SERPINB8: variants seen among roughly 807,000 people sequenced by gnomAD.
SERPINB8 encodes serpin B8.
Under a neutral mutation model 35.3 loss-of-function variants are expected in SERPINB8, and 25 were observed. The ratio of observed to expected loss-of-function variants is 0.71; its 90% CI spans 0.52 to 0.99. The LOEUF (loss-of-function observed/expected upper bound fraction) is 0.99. Among genes scored for constraint, SERPINB8 ranks in the 50% least tolerant of loss-of-function variants. The probability of loss-of-function intolerance (pLI) is 0.00; values close to 1 mark genes in which losing one functional copy is unlikely to be tolerated. For missense variants in SERPINB8, 484 were observed against 446.5 expected, an observed-to-expected ratio of 1.08 and a Z score of -0.76; for synonymous variants, 186 against 160.8, an observed-to-expected ratio of 1.16 and a Z score of -1.19.
Position 63,983,534 on chromosome 18 carries a change from G to A in SERPINB8, c.425-45G>A, listed in dbSNP as rs529648112. On this transcript the variant is annotated intron_variant, in intron 4 of 6. Coordinates refer to ENST00000397985, the MANE Select transcript of SERPINB8 (RefSeq NM_002640.4). ...GTCAAAGGGATTTTTGTAAAAGAAT[G>A]CTTATTTCCCCACAAATTGCAATAA... 79 of 1,592,038 alleles carry A rather than the reference G, an allele frequency of 5.0e-5. No individual in the cohort carries two copies. The South Asian group carries it at 8.5e-4, about 17-fold the overall frequency.
chr18:64,005,154 TACC>T (rs1205982625), exon 2 of SERPINB8: 11 of 280,878 alleles, frequency 3.9e-5, no homozygotes, highest in African/African-American at 2.4e-4. Context: ...CACAGTGAAA[TACC>T]ACCACAACTC....
At chr18:64,017,513 G>A (rs1294803895) in intron 7 of SERPINB8, among the ~76,000 whole-genome samples, 3 of 152,080 alleles carry the variant, frequency 2.0e-5, no homozygotes, top group African/African-American at 7.2e-5. Context: ...TTTTCAGTAT[G>A]TTCTACAATG....
downstream of SERPINB8, among the ~76,000 whole-genome samples, chr18:63,989,868 G>C (rs1288486336): frequency 1.4e-5 from 2 of 143,204 alleles, no homozygotes; most frequent in African/African-American, 5.2e-5. Context: ...GCGTGAACCC[G>C]GGAGGCGGAG....
Position 63,985,242 on chromosome 18 carries a change from C to G in SERPINB8, c.717C>G (p.Ala239=). Residue 239 remains alanine (A), a synonymous_variant, in exon 6 of 7, where the codon GCC becomes GCG. Coordinates refer to ENST00000397985, the MANE Select transcript of SERPINB8 (RefSeq NM_002640.4). ...ILLPDDNTDL[A]VVEKALTYEK... The stretch of plus-strand genomic sequence containing the variant: ...TTCCCGATGACAACACGGACCTCGC[C>G]GTGGTAAGCTCCAGGCAATGAGCCT... 1 of 1,614,008 alleles carries G rather than the reference C, an allele frequency of 6.2e-7. No individual in the cohort carries two copies. Among genetic ancestry groups the G allele is most frequent in the Non-Finnish European group, 8.5e-7 (1 of 1,179,972 alleles).
At chr18:63,999,899 GT>G (rs1279160795) in intron 1 of SERPINB8, among the ~76,000 whole-genome samples, 2 of 152,106 alleles carry the variant, frequency 1.3e-5, no homozygotes, top group Non-Finnish European at 2.9e-5. Context: ...GCTCTGGGTG[GT>G]TTTTCCCACT....
Position 63,988,200 on chromosome 18 carries a change from T to G in SERPINB8, c.*922T>G, listed in dbSNP as rs2050791066. ...TAGTGATATACATCCTTCCCTATTA[T>G]GTGTATGCAAATAGAAATTTATAAG... On this transcript the variant is annotated 3_prime_UTR_variant, in exon 7 of 7. Coordinates refer to ENST00000397985, the MANE Select transcript of SERPINB8 (RefSeq NM_002640.4). The G allele has an allele frequency of 1.3e-5, 2 of 152,212 alleles. No individual in the cohort carries two copies. The highest frequency in any genetic ancestry group is 2.9e-5 in the Non-Finnish European group (2 of 68,022). 9.4% of individuals were successfully genotyped at this position (152,212 alleles called of 1,614,324 possible).
intron 1 of SERPINB8, among the ~76,000 whole-genome samples, chr18:64,003,519 A>ATGTG (rs61161137): frequency 0.015 from 2,165 of 148,140 alleles, 37 homozygotes; most frequent in African/African-American, 0.048. Context: ...TGAGGGACAA[A>ATGTG]TGTGTGTGTG....
At chr18:63,982,404 G>T (rs2050686658) in intron 4 of SERPINB8, among the ~76,000 whole-genome samples, 1 of 152,094 alleles carries the variant, frequency 6.6e-6, no homozygotes, top group African/African-American at 2.4e-5. Flanking sequence ...AAATATTTCT[G>T]CCAGTTCTTT....
At position 64,014,170 on chromosome 18, in the gene SERPINB8, G is replaced by A. The variant is rs150854421; in HGVS notation, c.*3-4740G>A. Among the ~76,000 whole-genome samples the A allele has an allele frequency of 7.6e-3, 1,162 of 152,312 alleles. 18 individuals are homozygous for A. Among genetic ancestry groups the A allele is most frequent in the African/African-American group, 0.027 (1,119 of 41,562 alleles). ...AGGGATATTAATTGAAAGTAGTGGA[G>A]TAGTGTATGCAGAAAAGGAAATTGT... On this transcript the variant is annotated intron_variant, in intron 7 of 7. Coordinates refer to the SERPINB8 transcript ENST00000636430.
chr18:63,972,318 T>C (rs987175707), intron 1 of SERPINB8, among the ~76,000 whole-genome samples: 5 of 152,242 alleles, frequency 3.3e-5, no homozygotes, highest in African/African-American at 1.2e-4. Context: ...GGAATAATAC[T>C]GTATTACTCT....
At chr18:63,989,969 A>C (rs1331680673), downstream of SERPINB8, among the ~76,000 whole-genome samples, 12 of 144,058 alleles carry the variant, frequency 8.3e-5, no homozygotes, top group African/African-American at 2.3e-4. Flanking sequence ...AAAAAAAAAA[A>C]CCAAAATGTG....
At position 64,004,820 on chromosome 18, in the gene SERPINB8, A is replaced by T. The variant is rs530960095; in HGVS notation, c.74A>T (p.Asp25Val). Reference sequence around the variant, plus strand: ...CTCTCATCTTGTGCCTCCTAACAGGATACACTGAGAAGCACAAGCTTCTTC... The same window carrying T: ...CTCTCATCTTGTGCCTCCTAACAGGTTACACTGAGAAGCACAAGCTTCTTC... The change falls in exon 2 of 2, where the codon GAT becomes GTT. Residue 25 changes from aspartate (D) to valine (V), a missense_variant and splice_region_variant. By Grantham distance (152) the Asp-to-Val change is radical. Transcript: ENST00000493661. 10 of 398,528 alleles carry T rather than the reference A, an allele frequency of 2.5e-5. 1 individual carries two copies. In the South Asian group the frequency reaches 1.1e-3, roughly 46 times the overall value. 24.7% of individuals were successfully genotyped at this position (398,528 alleles called of 1,614,324 possible).
At chr18:64,000,936 A>G (rs1034017080) in intron 1 of SERPINB8, among the ~76,000 whole-genome samples, 2 of 152,140 alleles carry the variant, frequency 1.3e-5, no homozygotes, top group African/African-American at 4.8e-5. Flanking sequence ...TGTATTTCGA[A>G]TCTCTCTTAC....
At chr18:63,975,784 T>A (rs1435694798) in intron 1 of SERPINB8, among the ~76,000 whole-genome samples, 2 of 152,130 alleles carry the variant, frequency 1.3e-5, no homozygotes, top group Non-Finnish European at 2.9e-5. Context: ...AAGCGAAATA[T>A]CTTAGGAGGA....
At chr18:64,019,445 CT>C (rs1167211074) in exon 8 of SERPINB8, 2 of 152,246 alleles carry the variant, frequency 1.3e-5, no homozygotes, top group African/African-American at 4.8e-5. Context: ...GCTCCCACTT[CT>C]CCTCGACTCC....
intron 1 of SERPINB8, among the ~76,000 whole-genome samples, chr18:63,973,096 C>G (rs990538491): frequency 3.3e-5 from 5 of 152,204 alleles, no homozygotes; most frequent in African/African-American, 1.2e-4. Flanking sequence ...AACTAGTTTA[C>G]AGTCCTACCA....
intron 1 of SERPINB8, among the ~76,000 whole-genome samples, chr18:63,975,651 T>C (rs559165006): frequency 1.3e-4 from 20 of 152,318 alleles, no homozygotes; most frequent in Middle Eastern, 3.4e-3. Flanking sequence ...CTTTAAAGAA[T>C]TTGCACTGCT....
chr18:64,014,942 T>G (rs1227951897), intron 7 of SERPINB8, among the ~76,000 whole-genome samples: 1 of 152,152 alleles, frequency 6.6e-6, no homozygotes, highest in African/African-American at 2.4e-5. Context: ...ATTAAGCACA[T>G]TTTTTTAAAA....
intron 4 of SERPINB8, among the ~76,000 whole-genome samples, chr18:63,983,180 T>G (rs1207388740): frequency 6.6e-6 from 1 of 152,134 alleles, no homozygotes; most frequent in Non-Finnish European, 1.5e-5. Flanking sequence ...TTATCTGGCT[T>G]AAAATGACAA....
Sources: gnomAD v4.1 joint callset for allele counts (sites outside exome capture counted in the v4.1 genomes callset) on GRCh38, gnomAD v4.1.1 for gene constraint, MANE v1.5 for transcripts, NCBI Gene and HGNC (gene_info 2026-07-23, HGNC 2026-07-21) for gene names.